MCTP1: variants seen among roughly 807,000 people sequenced by gnomAD.
MCTP1 encodes multiple C2 and transmembrane domain containing 1, also known as multiple C2 and transmembrane domain-containing protein 1.
Under a neutral mutation model 120.6 loss-of-function variants are expected in MCTP1, and 69 were observed. The observed-to-expected ratio is 0.57, with a 90% CI of 0.47 to 0.70. MCTP1 has a LOEUF of 0.70. Ranked by LOEUF, MCTP1 falls within the 30% of genes least tolerant of loss-of-function variation. MCTP1 has a pLI of 0.00. For missense variants in MCTP1, 1,203 were observed against 1,248.8 expected, an observed-to-expected ratio of 0.96 and a Z score of 0.55; for synonymous variants, 529 against 493.1, an observed-to-expected ratio of 1.07 and a Z score of -0.96.
intron 3 of MCTP1, among the ~76,000 whole-genome samples, chr5:94,950,853 A>G (rs1014871304): frequency 5.3e-5 from 8 of 151,528 alleles, no homozygotes; most frequent in African/African-American, 1.9e-4. Flanking sequence ...ACTCAGAGGC[A>G]GGAGAAAGGC....
intron 2 of MCTP1, among the ~76,000 whole-genome samples, chr5:94,998,272 C>T (rs980155084): frequency 1.3e-5 from 2 of 152,040 alleles, no homozygotes; most frequent in African/African-American, 2.4e-5. Flanking sequence ...ATTGTTTTAC[C>T]TTGTCAACAT....
At chr5:95,222,004 G>C (rs901476433) in intron 1 of MCTP1, among the ~76,000 whole-genome samples, 1 of 152,170 alleles carries the variant, frequency 6.6e-6, no homozygotes, top group Admixed American at 6.5e-5. Flanking sequence ...AGTAACCCTA[G>C]ACCCTAAAAA....
At chr5:95,131,366 G>C (rs1400088802) in intron 1 of MCTP1, among the ~76,000 whole-genome samples, 1 of 152,184 alleles carries the variant, frequency 6.6e-6, no homozygotes, top group African/African-American at 2.4e-5. Context: ...GACTGGGCTT[G>C]ATTTTAATAG....
intron 12 of MCTP1, 88 bp from the exon 13 acceptor site, chr5:94,873,329 A>C (rs1326445217): frequency 1.4e-6 from 1 of 704,138 alleles, no homozygotes; most frequent in Non-Finnish European, 2.4e-6. Context: ...CTTTTGCAAA[A>C]AGTTTTATAG....
At chr5:94,784,626 C>A (rs921164062) in intron 18 of MCTP1, among the ~76,000 whole-genome samples, 2 of 151,884 alleles carry the variant, frequency 1.3e-5, no homozygotes, top group East Asian at 3.9e-4. Flanking sequence ...CAGTACATCT[C>A]GAAAGCAACT....
At chr5:94,937,899 T>C (rs189785739) in intron 5 of MCTP1, among the ~76,000 whole-genome samples, 1 of 152,190 alleles carries the variant, frequency 6.6e-6, no homozygotes, top group Admixed American at 6.5e-5. Flanking sequence ...GGTCTGGGAA[T>C]ACACAGGATC....
chr5:94,753,065 A>G (rs1035357941), intron 19 of MCTP1, among the ~76,000 whole-genome samples: 1 of 152,234 alleles, frequency 6.6e-6, no homozygotes, highest in African/African-American at 2.4e-5. Flanking sequence ...TGTGGCTTGA[A>G]GTAGAGCAGG....
intron 3 of MCTP1, among the ~76,000 whole-genome samples, chr5:94,945,712 A>G (rs1818743671): frequency 6.6e-6 from 1 of 152,210 alleles, no homozygotes; most frequent in Non-Finnish European, 1.5e-5. Context: ...ATTTCAGAGT[A>G]CTGGAGTGAT....
chr5:94,851,178 A>G (rs1330935190), intron 17 of MCTP1, among the ~76,000 whole-genome samples: 2 of 152,242 alleles, frequency 1.3e-5, no homozygotes, highest in Admixed American at 1.3e-4. Context: ...TCAGTTTAAA[A>G]ATGCAGATCT....
chr5:94,867,384 T>C (rs1441450790), intron 17 of MCTP1: 3 of 1,498,420 alleles, frequency 2.0e-6, no homozygotes, highest in Admixed American at 3.9e-5. Context: ...ATACAAGGCC[T>C]GAGAGGAAGA....
chr5:94,857,512 T>C (rs951706076), intron 17 of MCTP1, among the ~76,000 whole-genome samples: 1 of 151,700 alleles, frequency 6.6e-6, no homozygotes, highest in Non-Finnish European at 1.5e-5. Flanking sequence ...ACATTTTTTC[T>C]TGTGAATTAT....
chr5:94,908,134 C>T (rs1011424190), intron 10 of MCTP1, among the ~76,000 whole-genome samples: 2 of 151,608 alleles, frequency 1.3e-5, no homozygotes, highest in African/African-American at 4.8e-5. Context: ...GTGGTATATC[C>T]CAAAGAGAAC....
intron 1 of MCTP1, among the ~76,000 whole-genome samples, chr5:95,048,536 T>C (rs1374391256): frequency 6.6e-6 from 1 of 152,136 alleles, no homozygotes; most frequent in Non-Finnish European, 1.5e-5. Context: ...TGTCAGAAGG[T>C]AACAGTTCAC....
chr5:94,789,509 A>G (rs1778433880), intron 18 of MCTP1: 1 of 152,248 alleles, frequency 6.6e-6, no homozygotes, highest in African/African-American at 2.4e-5. Context: ...GAGTAAAAGG[A>G]TAGCCAATAA....
At chr5:95,115,183 G>A (rs1340981733) in intron 1 of MCTP1, among the ~76,000 whole-genome samples, 5 of 152,024 alleles carry the variant, frequency 3.3e-5, no homozygotes, top group Non-Finnish European at 7.4e-5. Flanking sequence ...AGACTGTGAA[G>A]ACTATAGTAA....
At chr5:94,892,413 G>A (rs548184747) in intron 11 of MCTP1, among the ~76,000 whole-genome samples, 1 of 152,240 alleles carries the variant, frequency 6.6e-6, no homozygotes, top group African/African-American at 2.4e-5. Context: ...GGGAGCAAGG[G>A]TTCAGCATAC....
At position 94,921,989 on chromosome 5, in the gene MCTP1, G is replaced by A. The variant is rs931024697; in HGVS notation, c.1272+1973C>T. ...TGGCATTCAGAGAGAGAGAAATATT[G>A]CCTCTGATCATGCCATCTGGGTACC... On this transcript the variant is annotated intron_variant, in intron 7 of 22. Transcript: ENST00000515393. 1.8e-4 allele frequency among the ~76,000 whole-genome samples: 27 copies of A among 152,080 alleles called. 1 individual carries two copies. The highest frequency in any genetic ancestry group is 6.5e-4 in the African/African-American group (27 of 41,398).
chr5:95,088,094 G>A (rs914077953), intron 1 of MCTP1, among the ~76,000 whole-genome samples: 1 of 152,210 alleles, frequency 6.6e-6, no homozygotes, highest in Non-Finnish European at 1.5e-5. Context: ...CACATTAGTT[G>A]TAAGAGTTTC....
intron 1 of MCTP1, chr5:95,068,930 TC>T: frequency 4.2e-6 from 2 of 471,518 alleles, no homozygotes. Flanking sequence ...TAGGCTTAGT[TC>T]CAGGGGAAGA....
Sources: gnomAD v4.1 joint callset for allele counts (sites outside exome capture counted in the v4.1 genomes callset) on GRCh38, gnomAD v4.1.1 for gene constraint, MANE v1.5 for transcripts, NCBI Gene and HGNC (gene_info 2026-07-23, HGNC 2026-07-21) for gene names.